The following OTOF variants were observed in gnomAD, a reference collection of about 807,000 sequenced individuals.
OTOF encodes fer-1-like family member 2.
Under a neutral mutation model 236.8 loss-of-function variants are expected in OTOF, and 218 were observed. The observed-to-expected ratio is 0.92, with a 90% CI of 0.82 to 1.03. OTOF has a LOEUF of 1.03. Ranked by LOEUF, OTOF falls within the 50% of genes least tolerant of loss-of-function variation. The pLI is 0.00. For synonymous variants in OTOF, 1,041 were observed against 1,072.5 expected (o/e 0.97, Z 0.57); for missense variants, 2,590 against 2,694.4 (o/e 0.96, Z 0.86).
At chr2:26,508,254 A>G (rs1314695274) in intron 5 of OTOF, among the ~76,000 whole-genome samples, 2 of 152,284 alleles carry the variant, frequency 1.3e-5, no homozygotes, top group East Asian at 1.9e-4. Context: ...AAACAGCCCA[A>G]TTTTCAAAAC....
chr2:26,460,198 C>G lies in OTOF; in HGVS notation c.5821G>C (p.Asp1941His), dbSNP rs545842714. The change falls in exon 46 of 47, where the codon GAC becomes CAC. Residue 1941 changes from aspartate to histidine, a missense_variant. By Grantham distance (81) the Asp-to-His change is moderately conservative. Coordinates refer to ENST00000272371, the MANE Select transcript of OTOF (RefSeq NM_194248.3). This position sits in a 1 kb window ranked among gnomAD's most constrained non-coding sequence, Gnocchi z 5.3. ...TTCAGGAACCAGATGAAGCTCGTGT[C>G]GGGCCGGCTGGAGTATGAAGGGTAG... ...PDPLEKPNRPDTSFIWFLNPL... is the reference protein window; with the variant it reads ...PDPLEKPNRPHTSFIWFLNPL... 5.6e-6 allele frequency: 9 copies of G among 1,602,430 alleles called. No homozygotes were observed. Among genetic ancestry groups the G allele is most frequent in the South Asian group, 1.1e-5 (1 of 89,036 alleles).
At position 26,479,667 on chromosome 2, in the gene OTOF, G is replaced by C. The variant is rs750002814; in HGVS notation, c.1913-14C>G. On this transcript the variant is annotated splice_polypyrimidine_tract_variant and intron_variant, in intron 16 of 46. Coordinates refer to ENST00000272371, the MANE Select transcript of OTOF (RefSeq NM_194248.3). ...TCCCATAGTTGCCTGGAGCAGAATG[G>C]GCCCAGAAGGCCTAGAGTGCATTCC... The C allele has an allele frequency of 1.9e-6, 3 of 1,611,678 alleles. No homozygotes were observed. The highest frequency in any genetic ancestry group is 2.5e-6 in the Non-Finnish European group (3 of 1,179,084).
chr2:26,526,594 A>G (rs111500100), intron 3 of OTOF, among the ~76,000 whole-genome samples: 181 of 152,336 alleles, frequency 1.2e-3, no homozygotes, highest in African/African-American at 4.0e-3. Flanking sequence ...GGTAACACTT[A>G]AAGTCCCTTT....
Position 26,461,614 on chromosome 2 carries a change from G to GGCTCT in OTOF, c.5533+77_5533+81dup. 6.3e-7 allele frequency: 1 copy of GGCTCT among 1,583,886 alleles called. No individual in the cohort carries two copies. On this transcript the variant is annotated intron_variant, in intron 43 of 46. Coordinates refer to ENST00000272371, the MANE Select transcript of OTOF (RefSeq NM_194248.3). The surrounding 1 kb of genome is among the most constrained non-coding windows in gnomAD (Gnocchi z 6.2). Reference sequence around the variant, plus strand: ...ATGACCCCTTGTCCCCCCAAGGCAGGGCTCTCCCTGTCCCCGCCAACCCGG... The same window carrying GGCTCT: ...ATGACCCCTTGTCCCCCCAAGGCAGGGCTCTGCTCTCCCTGTCCCCGCCAACCCGG...
At chr2:26,458,720 C>A (rs1664310675) in intron 46 of OTOF, among the ~76,000 whole-genome samples, 1 of 152,354 alleles carries the variant, frequency 6.6e-6, no homozygotes, top group Non-Finnish European at 1.5e-5. Flanking sequence ...AGCCTCCCAG[C>A]CGAGAAGCAC....
At chr2:26,491,238 G>C (rs1177970253) in intron 9 of OTOF, among the ~76,000 whole-genome samples, 5 of 152,136 alleles carry the variant, frequency 3.3e-5, no homozygotes, top group African/African-American at 1.2e-4. Context: ...TTATACTCAG[G>C]AACAGCAATG....
At chr2:26,480,637 C>T in intron 15 of OTOF, 149 bp downstream of exon 15, 1 of 697,032 alleles carries the variant, frequency 1.4e-6, no homozygotes, top group South Asian at 1.6e-5. Flanking sequence ...TGAGTGGGGG[C>T]CTCTGCTTCC....
intron 25 of OTOF, among the ~76,000 whole-genome samples, chr2:26,475,066 G>T (rs922276265): frequency 6.6e-6 from 1 of 152,052 alleles, no homozygotes; most frequent in Non-Finnish European, 1.5e-5. Flanking sequence ...GGGTCGGGGA[G>T]CCCTGGGGTG....
Position 26,473,620 on chromosome 2 carries a change from G to T in OTOF, c.3409-53C>A. 6.5e-7 allele frequency: 1 copy of T among 1,543,808 alleles called. No individual in the cohort carries two copies. Among genetic ancestry groups the T allele is most frequent in the South Asian group, 1.2e-5 (1 of 82,608 alleles). Reference sequence around the variant, plus strand: ...AGAAGAGAGCCCCTTAGTCAAGGGAGCCAGCCATGGGGGTGCTGGACCATC... The same window carrying T: ...AGAAGAGAGCCCCTTAGTCAAGGGATCCAGCCATGGGGGTGCTGGACCATC... On this transcript the variant is annotated intron_variant, in intron 27 of 46. Coordinates refer to ENST00000272371, the MANE Select transcript of OTOF (RefSeq NM_194248.3). This position sits in a 1 kb window ranked among gnomAD's most constrained non-coding sequence, Gnocchi z 7.2.
At chr2:26,486,283 T>G (rs1328402064) in intron 11 of OTOF, among the ~76,000 whole-genome samples, 1 of 111,546 alleles carries the variant, frequency 9.0e-6, no homozygotes, top group Non-Finnish European at 1.8e-5. Context: ...GATATATGGG[T>G]GAGTGGGTGG....
At chr2:26,483,193 A>G (rs940163618) in intron 13 of OTOF, among the ~76,000 whole-genome samples, 49 of 138,478 alleles carry the variant, frequency 3.5e-4, no homozygotes, top group Admixed American at 2.3e-3. Flanking sequence ...GCGTGCGTGT[A>G]TGAGTGGGTG....
rs545008107 is a variant in OTOF, at chr2:26,553,171, A to C, written c.79+5322T>G. 3.3e-5 allele frequency among the ~76,000 whole-genome samples: 5 copies of C among 152,178 alleles called. No individual in the cohort carries two copies. The East Asian group carries it at 9.6e-4, about 29-fold the overall frequency. Reference sequence around the variant, plus strand: ...CTCAGCTGCAACCCTTCCCTGCACAATCACTCAGCAGGCCCACTGCTCCCT... The same window carrying C: ...CTCAGCTGCAACCCTTCCCTGCACACTCACTCAGCAGGCCCACTGCTCCCT... On this transcript the variant is annotated intron_variant, in intron 1 of 46. Transcript: ENST00000272371.
chr2:26,556,817 G>A (rs894904501), intron 1 of OTOF, among the ~76,000 whole-genome samples: 6 of 152,188 alleles, frequency 3.9e-5, no homozygotes, highest in African/African-American at 1.4e-4. Flanking sequence ...AGCCTGGACC[G>A]TTCCAGCACA....
chr2:26,479,543 C>G lies in OTOF; in HGVS notation c.2023G>C (p.Glu675Gln). Reference sequence around the variant, plus strand: ...GCCAGGTCCCCGGCATCACCGGCCTCGTCATCACTTGCGTTCTGAATCAGG... The same window carrying G: ...GCCAGGTCCCCGGCATCACCGGCCTGGTCATCACTTGCGTTCTGAATCAGG... The part of the protein sequence containing the change: ...VDLIQNASDD[E>Q]AGDAGDLASV... Residue 675 changes from glutamate (E) to glutamine (Q), a missense_variant, in exon 17 of 47, where the codon GAG (glutamate) becomes CAG (glutamine). This residue lies in a region of OTOF where 1,379 missense variants were observed against 1,341.6 expected (regional missense o/e 1.03). Coordinates refer to ENST00000272371, the MANE Select transcript of OTOF (RefSeq NM_194248.3). 1 of 1,611,674 alleles carries G rather than the reference C, an allele frequency of 6.2e-7. No individual in the cohort carries two copies. Among genetic ancestry groups the G allele is most frequent in the East Asian group, 2.2e-5 (1 of 44,808 alleles).
rs756143591 is a variant in OTOF, at chr2:26,516,539, C to T, written c.388G>A (p.Asp130Asn). ...GACTCATCTCCCAGGAAGTCCCCATCGTCCCAGGAGCCCACTGTGCCGTCA... is the reference window on the plus strand; with the variant it reads ...GACTCATCTCCCAGGAAGTCCCCATTGTCCCAGGAGCCCACTGTGCCGTCA... ...ATDGTVGSWDDGDFLGDESLQ... is the reference protein window; with the variant it reads ...ATDGTVGSWDNGDFLGDESLQ... Residue 130 changes from aspartate (D) to asparagine (N), a missense_variant, in exon 5 of 47, where the codon GAT (aspartate) becomes AAT (asparagine). Asp to Asn is a conservative substitution (Grantham distance 23). This residue lies in a region of OTOF where 1,379 missense variants were observed against 1,341.6 expected (regional missense o/e 1.03). Coordinates refer to ENST00000272371, the MANE Select transcript of OTOF (RefSeq NM_194248.3). 14 of 1,612,728 alleles carry T rather than the reference C, an allele frequency of 8.7e-6. No homozygotes were observed. The highest frequency in any genetic ancestry group is 2.7e-5 in the African/African-American group (2 of 74,924).
In OTOF at chr2:26,476,228, G is replaced by T; in HGVS notation, c.2766C>A (p.Arg922=). The part of the protein sequence containing the change: ...LYLWLGLSKQ[R]KEFLCGLPCG... ...AGGGCAGGCCGCACAGGAACTCCTT[G>T]CGCTGTTTGCTGAGGCCCAGCCACA... The change falls in exon 23 of 47, where the codon CGC becomes CGA. Residue 922 remains arginine, a synonymous_variant. Coordinates refer to ENST00000272371, the MANE Select transcript of OTOF (RefSeq NM_194248.3). The T allele has an allele frequency of 6.2e-7, 1 of 1,609,004 alleles. No individual in the cohort carries two copies. The highest frequency in any genetic ancestry group is 8.5e-7 in the Non-Finnish European group (1 of 1,179,836).
At chr2:26,497,973 G>A (rs980121041) in intron 8 of OTOF, among the ~76,000 whole-genome samples, 2 of 152,120 alleles carry the variant, frequency 1.3e-5, no homozygotes, top group Non-Finnish European at 2.9e-5. Flanking sequence ...CACAACTAAT[G>A]CCCCCACCAA....
chr2:26,472,451 GT>G lies in OTOF; in HGVS notation c.3864+67del, dbSNP rs766435904. 4 of 1,597,504 alleles carry G rather than the reference GT, an allele frequency of 2.5e-6. No individual in the cohort carries two copies. In the South Asian group the frequency reaches 4.4e-5, roughly 18 times the overall value. On this transcript the variant is annotated intron_variant, in intron 30 of 46. Transcript: ENST00000272371. ...CTTTTCTCTCGGGGCAGATAGTCTG[GT>G]TCACAGGATGTGTCACACGAAGTTG... is the stretch of plus-strand genomic sequence containing the variant.
chr2:26,500,448 T>A (rs934274682), intron 8 of OTOF, among the ~76,000 whole-genome samples: 1 of 152,288 alleles, frequency 6.6e-6, no homozygotes, highest in Admixed American at 6.5e-5. Flanking sequence ...TCTTTGGAAT[T>A]CTCCAGTTCT....
Sources: gnomAD v4.1 joint callset for allele counts (sites outside exome capture counted in the v4.1 genomes callset) on GRCh38, gnomAD v4.1.1 for gene constraint, gnomAD v4.1.1 regional missense constraint, Gnocchi (gnomAD v3.1) non-coding constraint, MANE v1.5 for transcripts, NCBI Gene and HGNC (gene_info 2026-07-23, HGNC 2026-07-21) for gene names.